Variants in PALD1 observed in about 807,000 individuals in gnomAD.
PALD1 encodes the protein phosphatase domain containing paladin 1, also known as paladin.
PALD1 carries 57 observed loss-of-function variants against 96.0 expected under a neutral mutation model. That is an observed-to-expected ratio of 0.59 (90% CI 0.48 to 0.74). The LOEUF is 0.74. Among genes scored for constraint, PALD1 ranks in the 30% least tolerant of loss-of-function variants. The pLI is 0.00. For missense variants in PALD1, 1,063 were observed against 1,143.7 expected (o/e 0.93, Z 1.02); for synonymous variants, 464 against 473.6 (o/e 0.98, Z 0.26).
intron 16 of PALD1, 106 bp downstream of exon 16, chr10:70,541,348 C>G: frequency 6.6e-7 from 1 of 1,514,644 alleles, no homozygotes; most frequent in Non-Finnish European, 9.1e-7. Context: ...GCAGAGACAG[C>G]CGGGTGTGGT....
chr10:70,493,864 T>C (rs1234865448), intron 1 of PALD1, among the ~76,000 whole-genome samples: 1 of 152,198 alleles, frequency 6.6e-6, no homozygotes, highest in Non-Finnish European at 1.5e-5. Context: ...TTTCTGCCCT[T>C]GTCCCCAACC....
rs1589184142 is a variant in PALD1, at chr10:70,507,791, G to GT, written c.-29-18132_-29-18131insT. ...TGTGTGTGTGTGTGTGTGTGTGTGT[G>GT]GTGTATGTATGTGTTCGTAGAGATG... On this transcript the variant is annotated intron_variant, in intron 1 of 19. Transcript: ENST00000263563. Among the ~76,000 whole-genome samples the GT allele has an allele frequency of 4.2e-5, 6 of 142,400 alleles. No homozygotes were observed. In the East Asian group the frequency reaches 8.4e-4, roughly 20 times the overall value. The allele number at this position is 142,400 out of a possible 152,430, so 93.4% of individuals were successfully genotyped here.
At chr10:70,541,317 C>A in intron 16 of PALD1, 75 bp downstream of exon 16, 2 of 1,543,914 alleles carry the variant, frequency 1.3e-6, no homozygotes, top group Non-Finnish European at 1.8e-6. Flanking sequence ...GGCACACTGG[C>A]TCCACAGGAG....
At chr10:70,550,955 C>T (rs1361586450) in intron 18 of PALD1, among the ~76,000 whole-genome samples, 2 of 152,104 alleles carry the variant, frequency 1.3e-5, no homozygotes, top group Non-Finnish European at 2.9e-5. Context: ...TTTGTGTGAA[C>T]GTATGTTTTC....
chr10:70,478,693 C>T (rs1341792676), upstream of PALD1: 1 of 152,008 alleles, frequency 6.6e-6, no homozygotes, highest in East Asian at 1.9e-4. Flanking sequence ...CCCCGCCCCT[C>T]GCGGTGGGGC....
In PALD1 at chr10:70,547,364, A is replaced by G; in HGVS notation, c.2180A>G (p.Asp727Gly). Residue 727 changes from aspartate (D) to glycine (G), a missense_variant, in exon 18 of 20, where the codon GAC (aspartate) becomes GGC (glycine). Coordinates refer to ENST00000263563, the MANE Select transcript of PALD1 (RefSeq NM_014431.3). ...PDGHRVKKEV[D>G]AALDTVSETM... The stretch of plus-strand genomic sequence containing the variant: ...GGGCACCGTGTGAAGAAGGAGGTGG[A>G]CGCAGCGCTGGACACTGTCAGCGAG... 4 of 1,611,664 alleles carry G rather than the reference A, an allele frequency of 2.5e-6. No individual in the cohort carries two copies. The highest frequency in any genetic ancestry group is 3.4e-6 in the Non-Finnish European group (4 of 1,178,592).
chr10:70,530,196 C>A, intron 4 of PALD1, 128 bp downstream of exon 4: 2 of 687,220 alleles, frequency 2.9e-6, no homozygotes, highest in Non-Finnish European at 4.5e-6. Context: ...GTGGCCTGGA[C>A]CAGGCCCTGC....
intron 12 of PALD1, 67 bp from the exon 13 acceptor site, chr10:70,538,825 A>AGGT (rs1847169266): frequency 7.3e-7 from 1 of 1,368,688 alleles, no homozygotes; most frequent in African/African-American, 1.4e-5. Flanking sequence ...GCCTTGGGCC[A>AGGT]GGTCCTGACC....
At chr10:70,521,187 C>T (rs1436590005) in intron 1 of PALD1, among the ~76,000 whole-genome samples, 1 of 152,152 alleles carries the variant, frequency 6.6e-6, no homozygotes, top group Non-Finnish European at 1.5e-5. Flanking sequence ...GAGGCCTCGT[C>T]AGGCAGAGAG....
At chr10:70,503,394 G>A (rs540688492) in intron 1 of PALD1, among the ~76,000 whole-genome samples, 1 of 152,156 alleles carries the variant, frequency 6.6e-6, no homozygotes, top group African/African-American at 2.4e-5. Context: ...CCAGCACTTA[G>A]GGAGGCCAAG....
chr10:70,564,285 C>G (rs1375338886), intron 18 of PALD1, 79 bp from the exon 19 acceptor site: 1 of 1,442,728 alleles, frequency 6.9e-7, no homozygotes, highest in Admixed American at 2.1e-5. Flanking sequence ...CCCTGGCACT[C>G]AGGGCAGCAG....
chr10:70,553,115 A>C (rs1847515205), intron 18 of PALD1, among the ~76,000 whole-genome samples: 1 of 152,070 alleles, frequency 6.6e-6, no homozygotes, highest in African/African-American at 2.4e-5. Context: ...TCCTATTATG[A>C]CTGGCTTGCA....
At chr10:70,505,570 C>T (rs963896396) in intron 1 of PALD1, among the ~76,000 whole-genome samples, 1 of 152,068 alleles carries the variant, frequency 6.6e-6, no homozygotes, top group Non-Finnish European at 1.5e-5. Flanking sequence ...CGTCATTGTA[C>T]TCCAGCCTGG....
chr10:70,557,643 G>T (rs182675737), intron 18 of PALD1, among the ~76,000 whole-genome samples: 2 of 152,324 alleles, frequency 1.3e-5, no homozygotes, highest in East Asian at 3.9e-4. Context: ...AGTTTGCAGG[G>T]ACTCGGTGGG....
At chr10:70,536,900 G>A (rs756773640) in intron 10 of PALD1, among the ~76,000 whole-genome samples, 3 of 152,108 alleles carry the variant, frequency 2.0e-5, no homozygotes, top group African/African-American at 4.8e-5. Context: ...GGGTTCTCTC[G>A]GACAACCCCC....
the PALD1 span, among the ~76,000 whole-genome samples, chr10:70,460,956 G>A: frequency 6.6e-6 from 1 of 152,332 alleles, no homozygotes; most frequent in East Asian, 1.9e-4. Flanking sequence ...TTGGGAGGCT[G>A]AGGCAGGAGA....
At position 70,537,849 on chromosome 10, in the gene PALD1, G is replaced by C. The variant is rs753267750; in HGVS notation, c.1266G>C (p.Leu422=). ...GSRHSVWQRA[L]WSLERYFYLI... is the part of the protein sequence containing the mutation. The stretch of plus-strand genomic sequence containing the variant: ...GACACAGCGTCTGGCAGAGGGCGCT[G>C]TGGAGCCTGGAGCGATACTTCTACC... Residue 422 remains leucine, a synonymous_variant, in exon 11 of 20, where the codon CTG becomes CTC. Coordinates refer to ENST00000263563, the MANE Select transcript of PALD1 (RefSeq NM_014431.3). 7.7e-5 allele frequency: 125 copies of C among 1,613,786 alleles called. 2 individuals carry two copies. In the South Asian group the frequency reaches 1.2e-3, roughly 16 times the overall value.
At chr10:70,560,175 G>C (rs1050001241) in intron 18 of PALD1, among the ~76,000 whole-genome samples, 2 of 152,202 alleles carry the variant, frequency 1.3e-5, no homozygotes, top group Non-Finnish European at 2.9e-5. Flanking sequence ...CTGTTGGGCT[G>C]GAAGGCCCGG....
the PALD1 span, among the ~76,000 whole-genome samples, chr10:70,472,300 G>T: frequency 6.6e-6 from 1 of 152,020 alleles, no homozygotes; most frequent in Non-Finnish European, 1.5e-5. Flanking sequence ...TGCTCTTGTC[G>T]CCTGGGCTGG....
Sources: allele counts gnomAD v4.1 joint callset (sites outside exome capture counted in the v4.1 genomes callset), GRCh38; gene constraint gnomAD v4.1.1; transcripts MANE v1.5; gene names NCBI Gene and HGNC (gene_info 2026-07-23, HGNC 2026-07-21).